NFIL3: variants seen among roughly 807,000 people sequenced by gnomAD.
NFIL3 encodes nuclear factor, interleukin 3 regulated, also known as nuclear factor interleukin-3-regulated protein.
NFIL3 carries 5 observed loss-of-function variants against 10.0 expected under a neutral mutation model. The observed-to-expected ratio is 0.50, with a 90% CI of 0.26 to 1.06. The LOEUF is 1.06. Ranked by LOEUF, NFIL3 falls within the 50% of genes least tolerant of loss-of-function variation. The pLI is 0.13. For synonymous variants in NFIL3, 202 were observed against 206.5 expected (o/e 0.98, Z 0.19); for missense variants, 436 against 547.6 (o/e 0.80, Z 2.03).
chr9:91,471,214 T>A, the NFIL3 span, among the ~76,000 whole-genome samples: 1 of 152,200 alleles, frequency 6.6e-6, no homozygotes, highest in Non-Finnish European at 1.5e-5. Flanking sequence ...CTGTGTTGGG[T>A]GCATATATAT....
chr9:91,464,163 T>A, the NFIL3 span, among the ~76,000 whole-genome samples: 1 of 152,092 alleles, frequency 6.6e-6, no homozygotes, highest in Non-Finnish European at 1.5e-5. Flanking sequence ...GTATAGTTGG[T>A]TAATACCTAC....
At chr9:91,472,412 C>G in the NFIL3 span, among the ~76,000 whole-genome samples, 1 of 152,258 alleles carries the variant, frequency 6.6e-6, no homozygotes, top group Middle Eastern at 3.4e-3. Flanking sequence ...TCTTTTTACT[C>G]TTTTTTCTCT....
Position 91,410,341 on chromosome 9 carries a change from T to C in NFIL3, c.394A>G (p.Thr132Ala), listed in dbSNP as rs755160396. The C allele has an allele frequency of 3.1e-6, 5 of 1,614,198 alleles. No individual in the cohort carries two copies. The Admixed American group carries it at 8.3e-5, about 27-fold the overall frequency. ...LKLKFGLISS[T>A]AYAQEIQKLS... The stretch of plus-strand genomic sequence containing the variant: ...TTCTGAATCTCTTGAGCATATGCTG[T>C]GGAGCTAATTAAACCAAACTTTAAT... Residue 132 changes from threonine (T) to alanine (A), a missense_variant, in exon 2 of 2, where the codon ACA becomes GCA. By Grantham distance (58) the Thr-to-Ala change is moderately conservative. Coordinates refer to ENST00000297689, the MANE Select transcript of NFIL3 (RefSeq NM_005384.3). The surrounding 1 kb of genome is among the most constrained non-coding windows in gnomAD (Gnocchi z 5.7).
chr9:91,462,476 G>A, the NFIL3 span, among the ~76,000 whole-genome samples: 2 of 151,960 alleles, frequency 1.3e-5, no homozygotes, highest in Non-Finnish European at 2.9e-5. Context: ...TTGTTAGACC[G>A]TTGATATGAT....
chr9:91,464,815 T>C, the NFIL3 span, among the ~76,000 whole-genome samples: 1 of 152,104 alleles, frequency 6.6e-6, no homozygotes, highest in African/African-American at 2.4e-5. Flanking sequence ...TTTTTTCTTT[T>C]GACACTTTGA....
At chr9:91,434,971 A>T in the NFIL3 span, among the ~76,000 whole-genome samples, 1 of 152,208 alleles carries the variant, frequency 6.6e-6, no homozygotes. Context: ...CCCAAGGACC[A>T]TGGCAAGGCT....
rs181813907 is a variant in NFIL3, at chr9:91,411,589, C to T, written c.-172-683G>A. On this transcript the variant is annotated intron_variant, in intron 1 of 1. Transcript: ENST00000297689. ...GGTAGGCTTATATCCCAGCAAATTC[C>T]ACCAGGTGACTCACTGCAACTAAAT... 1.3e-4 allele frequency among the ~76,000 whole-genome samples: 20 copies of T among 152,316 alleles called. No individual in the cohort carries two copies. The East Asian group carries it at 3.1e-3, about 23-fold the overall frequency.
chr9:91,467,232 ATGTG>A, the NFIL3 span, among the ~76,000 whole-genome samples: 1 of 151,904 alleles, frequency 6.6e-6, no homozygotes, highest in African/African-American at 2.4e-5. Context: ...GTAAATGCAT[ATGTG>A]TGTGTATATA....
the NFIL3 span, among the ~76,000 whole-genome samples, chr9:91,439,439 T>C: frequency 2.7e-3 from 416 of 152,272 alleles, 2 homozygotes; most frequent in African/African-American, 9.7e-3. Flanking sequence ...TTTATACATA[T>C]AGGATTGTAC....
the NFIL3 span, among the ~76,000 whole-genome samples, chr9:91,455,747 C>A: frequency 6.6e-6 from 1 of 152,180 alleles, no homozygotes; most frequent in Non-Finnish European, 1.5e-5. Context: ...GACACCATCA[C>A]CACATTCAAG....
In NFIL3 at chr9:91,410,800, C is replaced by G; in HGVS notation, c.-66G>C. 1.4e-6 allele frequency: 2 copies of G among 1,450,538 alleles called. No individual in the cohort carries two copies. The highest frequency in any genetic ancestry group is 2.9e-5 in the South Asian group (2 of 68,932). 89.9% of individuals were successfully genotyped at this position (1,450,538 alleles called of 1,614,324 possible). A position where few individuals can be genotyped will look rare whatever the true frequency, so the allele number is the denominator to read the frequency against. ...ATTAATTTCCCCGTATTCTCAAGCT[C>G]TTTAAAAACTCTGGTTTAAAATCCA... is the stretch of plus-strand genomic sequence containing the variant. On this transcript the variant is annotated 5_prime_UTR_variant, in exon 2 of 2. Transcript: ENST00000297689. The surrounding 1 kb of genome is among the most constrained non-coding windows in gnomAD (Gnocchi z 5.7).
the NFIL3 span, among the ~76,000 whole-genome samples, chr9:91,429,855 A>G: frequency 6.6e-6 from 1 of 152,028 alleles, no homozygotes; most frequent in Non-Finnish European, 1.5e-5. Context: ...CTGAAGACCC[A>G]GATACAGAGG....
the NFIL3 span, among the ~76,000 whole-genome samples, chr9:91,483,395 C>G: frequency 6.6e-6 from 1 of 152,176 alleles, no homozygotes; most frequent in Non-Finnish European, 1.5e-5. Flanking sequence ...CCGGGAAATA[C>G]CCACATTTCT....
the NFIL3 span, among the ~76,000 whole-genome samples, chr9:91,455,849 G>C: frequency 2.0e-5 from 3 of 152,136 alleles, no homozygotes; most frequent in Non-Finnish European, 4.4e-5. Flanking sequence ...GCCAAGGTCT[G>C]ATTGCAAAAA....
the NFIL3 span, among the ~76,000 whole-genome samples, chr9:91,482,015 G>A: frequency 1.3e-5 from 2 of 152,132 alleles, no homozygotes; most frequent in African/African-American, 2.4e-5. Context: ...CCTTGGTGCC[G>A]GAAAGGATTG....
the NFIL3 span, among the ~76,000 whole-genome samples, chr9:91,460,479 G>A: frequency 6.6e-5 from 10 of 151,880 alleles, no homozygotes; most frequent in African/African-American, 2.4e-4. Context: ...GTTTCACAAT[G>A]TTGGCCAGGC....
the NFIL3 span, among the ~76,000 whole-genome samples, chr9:91,477,444 G>C: frequency 6.6e-6 from 1 of 152,116 alleles, no homozygotes; most frequent in East Asian, 1.9e-4. Flanking sequence ...ACTGATTGGC[G>C]ACCTTAATTA....
At chr9:91,458,845 G>A in the NFIL3 span, among the ~76,000 whole-genome samples, 1 of 152,244 alleles carries the variant, frequency 6.6e-6, no homozygotes, top group South Asian at 2.1e-4. Context: ...GAAGTTCTTG[G>A]TGTCAAGAAA....
At chr9:91,438,746 C>T in the NFIL3 span, among the ~76,000 whole-genome samples, 4 of 152,124 alleles carry the variant, frequency 2.6e-5, no homozygotes, top group Admixed American at 6.5e-5. Flanking sequence ...GTTTTCCTAG[C>T]CCCATTTATT....
Sources: allele counts gnomAD v4.1 joint callset (sites outside exome capture counted in the v4.1 genomes callset), GRCh38; gene constraint gnomAD v4.1.1; non-coding constraint Gnocchi (gnomAD v3.1); transcripts MANE v1.5; gene names NCBI Gene and HGNC (gene_info 2026-07-23, HGNC 2026-07-21).